The following DYNC2H1 variants were observed in gnomAD, a reference collection of about 807,000 sequenced individuals.
The protein encoded by DYNC2H1 is dynein cytoplasmic 2 heavy chain 1, also known as cytoplasmic dynein 2 heavy chain 1.
In DYNC2H1, 410 loss-of-function variants were observed where a neutral mutation model predicts 570.0. The ratio of observed to expected loss-of-function variants is 0.72; its 90% confidence interval spans 0.66 to 0.78. The LOEUF (loss-of-function observed/expected upper bound fraction) is 0.78, where lower values mean the gene tolerates loss of function less well. Ranked by LOEUF, DYNC2H1 falls within the 30% of genes least tolerant of loss-of-function variation. The probability of loss-of-function intolerance (pLI) is 0.00; values close to 1 mark genes in which losing one functional copy is unlikely to be tolerated. For synonymous variants in DYNC2H1, 1,688 were observed against 1,677.6 expected, an observed-to-expected ratio of 1.01 and a Z score of -0.15; for missense variants, 4,865 against 5,046.4, an observed-to-expected ratio of 0.96 and a Z score of 1.09.
intron 13 of DYNC2H1, among the ~76,000 whole-genome samples, chr11:103,131,296 A>G (rs953019228): frequency 7.2e-5 from 11 of 151,996 alleles, no homozygotes; most frequent in Admixed American, 2.6e-4. Context: ...ACTTATCCCA[A>G]TATTCTTTTT....
intron 80 of DYNC2H1, among the ~76,000 whole-genome samples, chr11:103,317,344 A>G (rs943560892): frequency 6.6e-6 from 1 of 150,464 alleles, no homozygotes; most frequent in Non-Finnish European, 1.5e-5. Flanking sequence ...GTTCAAGGCT[A>G]AAGCCTGTGA....
At chr11:103,128,195 T>C (rs558080205) in intron 12 of DYNC2H1, among the ~76,000 whole-genome samples, 1 of 152,330 alleles carries the variant, frequency 6.6e-6, no homozygotes, top group South Asian at 2.1e-4. Flanking sequence ...GTAATAGTTT[T>C]GGGATTTTTG....
In DYNC2H1 at chr11:103,133,848, T is replaced by G; in HGVS notation, c.2106+141T>G. 1 of 905,540 alleles carries G rather than the reference T, an allele frequency of 1.1e-6. No homozygotes were observed. The highest frequency in any genetic ancestry group is 2.9e-5 in the East Asian group (1 of 35,022). 56.1% of individuals were successfully genotyped at this position (905,540 alleles called of 1,614,324 possible). ...AGTACAGAGAAATCACAATTCCCAT[T>G]TGCCCAAATTCCCTGTTGTTAACAA... On this transcript the variant is annotated intron_variant, in intron 14 of 88. Coordinates refer to ENST00000375735, the MANE Select transcript of DYNC2H1 (RefSeq NM_001377.3). The surrounding 1 kb of genome is among the most constrained non-coding windows in gnomAD (Gnocchi z 4.8).
At chr11:103,174,233 A>C in intron 36 of DYNC2H1, 63 bp downstream of exon 36, 1 of 1,369,022 alleles carries the variant, frequency 7.3e-7, no homozygotes. Context: ...AATTTAGAAT[A>C]GTTTGAGATT....
intron 84 of DYNC2H1, among the ~76,000 whole-genome samples, chr11:103,423,056 T>C (rs1350904332): frequency 4.8e-5 from 4 of 83,980 alleles, no homozygotes; most frequent in African/African-American, 4.0e-4. Flanking sequence ...GTAGACCGTT[T>C]TATGAAAACG....
At chr11:103,176,645 A>G (rs1861830316) in intron 37 of DYNC2H1, among the ~76,000 whole-genome samples, 1 of 152,186 alleles carries the variant, frequency 6.6e-6, no homozygotes, top group African/African-American at 2.4e-5. Flanking sequence ...TGTGTGTTTA[A>G]TATTGATTCT....
chr11:103,250,830 G>T (rs1183549410), intron 65 of DYNC2H1, among the ~76,000 whole-genome samples: 1 of 151,718 alleles, frequency 6.6e-6, no homozygotes, highest in African/African-American at 2.4e-5. Context: ...TTTTCAGGTG[G>T]TTGGAGATTT....
intron 37 of DYNC2H1, among the ~76,000 whole-genome samples, chr11:103,176,925 C>T (rs536956217): frequency 4.6e-5 from 7 of 152,100 alleles, no homozygotes; most frequent in South Asian, 2.1e-4. Flanking sequence ...AGGCTGGTCT[C>T]GAACTCTTGA....
intron 75 of DYNC2H1, among the ~76,000 whole-genome samples, chr11:103,298,211 C>CT (rs1488569948): frequency 1.3e-5 from 2 of 151,114 alleles, no homozygotes; most frequent in African/African-American, 4.9e-5. Flanking sequence ...TAGTCTTTTT[C>CT]TTGTTTTTTT....
intron 85 of DYNC2H1, among the ~76,000 whole-genome samples, chr11:103,440,816 C>A (rs749616286): frequency 5.9e-5 from 9 of 152,110 alleles, no homozygotes; most frequent in Non-Finnish European, 1.2e-4. Context: ...ATCCAGTCTA[C>A]CAGAAAGTCA....
intron 59 of DYNC2H1, among the ~76,000 whole-genome samples, chr11:103,226,347 G>A (rs955633220): frequency 6.6e-6 from 1 of 152,124 alleles, no homozygotes; most frequent in African/African-American, 2.4e-5. Flanking sequence ...TGTTGGCTGT[G>A]GGTTTGCCAT....
intron 82 of DYNC2H1, among the ~76,000 whole-genome samples, chr11:103,347,187 G>A (rs1190717297): frequency 1.3e-5 from 2 of 152,146 alleles, no homozygotes; most frequent in Non-Finnish European, 2.9e-5. Flanking sequence ...GCAAGATAAC[G>A]AACTCAGTTT....
intron 83 of DYNC2H1, among the ~76,000 whole-genome samples, chr11:103,367,257 A>G (rs1335630631): frequency 6.6e-6 from 1 of 152,088 alleles, no homozygotes; most frequent in African/African-American, 2.4e-5. Flanking sequence ...TTGTTCCAAT[A>G]GTTATTGCTA....
intron 12 of DYNC2H1, among the ~76,000 whole-genome samples, chr11:103,128,197 G>A (rs1036874185): frequency 6.6e-6 from 1 of 152,156 alleles, no homozygotes; most frequent in African/African-American, 2.4e-5. Flanking sequence ...AATAGTTTTG[G>A]GATTTTTGGG....
intron 88 of DYNC2H1, 72 bp downstream of exon 88, chr11:103,468,777 C>A: frequency 4.3e-6 from 5 of 1,171,634 alleles, no homozygotes; most frequent in Non-Finnish European, 6.0e-6. Flanking sequence ...TTCAAGAAGA[C>A]ATTCTTGGCC....
intron 70 of DYNC2H1, among the ~76,000 whole-genome samples, chr11:103,267,255 C>G (rs1451402413): frequency 6.6e-6 from 1 of 151,732 alleles, no homozygotes; most frequent in Non-Finnish European, 1.5e-5. Flanking sequence ...AACCGAGCTT[C>G]TGTGTCTTCC....
chr11:103,292,250 A>G (rs894949485), intron 75 of DYNC2H1, among the ~76,000 whole-genome samples: 1 of 145,106 alleles, frequency 6.9e-6, no homozygotes, highest in Non-Finnish European at 1.5e-5. Flanking sequence ...TTATGTGTGT[A>G]TGCATTATAA....
rs1183436649 is a variant in DYNC2H1, at chr11:103,249,912, A to AT, written c.10043-3371dup. Among the ~76,000 whole-genome samples the AT allele has an allele frequency of 1.3e-5, 2 of 152,162 alleles. No individual in the cohort carries two copies. Among genetic ancestry groups the AT allele is most frequent in the East Asian group, 3.9e-4 (2 of 5,188 alleles). On this transcript the variant is annotated intron_variant, in intron 65 of 88. Transcript: ENST00000375735. The surrounding 1 kb of genome is among the most constrained non-coding windows in gnomAD (Gnocchi z 4.6). ...TGTTTGCTCTTTCTGATCACACCCA[A>AT]TTCCCAGGAAAAGTACATTTTTCTT...
At chr11:103,139,546 G>A (rs1421807466) in intron 17 of DYNC2H1, among the ~76,000 whole-genome samples, 3 of 151,618 alleles carry the variant, frequency 2.0e-5, no homozygotes, top group Admixed American at 6.6e-5. Context: ...TCTTAATCCT[G>A]AGTTCTAGTT....
Sources: gnomAD v4.1 joint callset for allele counts (sites outside exome capture counted in the v4.1 genomes callset) on GRCh38, gnomAD v4.1.1 for gene constraint, Gnocchi (gnomAD v3.1) non-coding constraint, MANE v1.5 for transcripts, NCBI Gene and HGNC (gene_info 2026-07-23, HGNC 2026-07-21) for gene names.